Variants in LOXHD1 observed in about 807,000 individuals in gnomAD.
LOXHD1 encodes the protein lipoxygenase homology domain-containing protein 1.
In LOXHD1, 205 loss-of-function variants were observed where a neutral mutation model predicts 248.2. The observed-to-expected ratio is 0.83, with a 90% CI of 0.74 to 0.93. The LOEUF (loss-of-function observed/expected upper bound fraction) is 0.93. LOXHD1 is among the 40% of genes least tolerant of loss of function. The pLI is 0.00. For missense variants in LOXHD1, 2,930 were observed against 2,971.6 expected, an observed-to-expected ratio of 0.99 and a Z score of 0.33; for synonymous variants, 1,113 against 1,162.8, an observed-to-expected ratio of 0.96 and a Z score of 0.87.
chr18:46,535,124 T>C (rs1385741323), intron 26 of LOXHD1, among the ~76,000 whole-genome samples: 1 of 152,162 alleles, frequency 6.6e-6, no homozygotes, highest in Non-Finnish European at 1.5e-5. Flanking sequence ...AGCCCCTCCT[T>C]GGAGTACTTC....
At chr18:46,582,531 C>G (rs1401515666) in intron 12 of LOXHD1, among the ~76,000 whole-genome samples, 1 of 151,704 alleles carries the variant, frequency 6.6e-6, no homozygotes, top group Non-Finnish European at 1.5e-5. Context: ...TAGTAAGAAA[C>G]AAAAAAGATA....
At chr18:46,564,200 C>A (rs1169005836) in intron 17 of LOXHD1, among the ~76,000 whole-genome samples, 2 of 151,670 alleles carry the variant, frequency 1.3e-5, no homozygotes, top group African/African-American at 4.8e-5. Flanking sequence ...AGTAGGAAGT[C>A]AATAGATAAC....
intron 34 of LOXHD1, among the ~76,000 whole-genome samples, chr18:46,517,821 A>G (rs2035339702): frequency 6.6e-6 from 1 of 152,228 alleles, no homozygotes; most frequent in Non-Finnish European, 1.5e-5. Context: ...TAATGAAACC[A>G]AGACATTAAC....
chr18:46,497,832 T>C (rs757641030), intron 37 of LOXHD1, among the ~76,000 whole-genome samples: 21 of 151,978 alleles, frequency 1.4e-4, no homozygotes, highest in Non-Finnish European at 1.8e-4. Context: ...GGTAGTGCAA[T>C]AGGAAGAACT....
intron 17 of LOXHD1, among the ~76,000 whole-genome samples, chr18:46,564,906 TC>T (rs1470737831): frequency 1.3e-5 from 2 of 152,260 alleles, no homozygotes; most frequent in African/African-American, 4.8e-5. Flanking sequence ...ACACTGGGGT[TC>T]CCTCTCAGGG....
chr18:46,584,918 T>C (rs28857285), intron 12 of LOXHD1, among the ~76,000 whole-genome samples: 8,144 of 152,182 alleles, frequency 0.054, 267 homozygotes, highest in Non-Finnish European at 0.079. Flanking sequence ...CTGCTGAAAA[T>C]CAATTAATGT....
chr18:46,572,955 G>A (rs1442309003), intron 14 of LOXHD1, among the ~76,000 whole-genome samples: 4 of 148,788 alleles, frequency 2.7e-5, no homozygotes, highest in African/African-American at 9.9e-5. Flanking sequence ...CCCAGGAGGC[G>A]GAGCTTGCAG....
chr18:46,533,608 G>GT (rs2036173682), intron 27 of LOXHD1: 1 of 392,874 alleles, frequency 2.5e-6, no homozygotes. Context: ...GGTAAGAGGA[G>GT]GGGGGTGCTC....
intron 4 of LOXHD1, among the ~76,000 whole-genome samples, chr18:46,622,210 G>T (rs2038678134): frequency 6.6e-6 from 1 of 152,158 alleles, no homozygotes; most frequent in Non-Finnish European, 1.5e-5. Context: ...GGATTTGCAG[G>T]CCATTTGGTC....
intron 18 of LOXHD1, among the ~76,000 whole-genome samples, 192 bp from the exon 19 acceptor site, chr18:46,560,737 G>A (rs2037510127): frequency 6.6e-6 from 1 of 152,198 alleles, no homozygotes; most frequent in Admixed American, 6.5e-5. Context: ...GGTCCCCTGG[G>A]ATTACCTGGC....
At chr18:46,542,480 G>C (rs1046373549) in intron 24 of LOXHD1, among the ~76,000 whole-genome samples, 5 of 152,122 alleles carry the variant, frequency 3.3e-5, no homozygotes, top group African/African-American at 1.2e-4. Flanking sequence ...TAAAATTACC[G>C]ACACTGGGGT....
At chr18:46,483,159 TC>T (rs1474888172) in intron 40 of LOXHD1, among the ~76,000 whole-genome samples, 1 of 152,174 alleles carries the variant, frequency 6.6e-6, no homozygotes, top group Non-Finnish European at 1.5e-5. Context: ...CCCTAGCTTG[TC>T]TCTGGTCCCT....
chr18:46,520,397 G>A, intron 33 of LOXHD1: 2 of 428,050 alleles, frequency 4.7e-6, no homozygotes, highest in South Asian at 1.8e-5. Context: ...ATAGCCATGA[G>A]CCAAAAAGAG....
rs2039194411 is a variant in LOXHD1, at chr18:46,657,159, G to A, written c.-126C>T. 1 of 1,461,954 alleles carries A rather than the reference G, an allele frequency of 6.8e-7. No homozygotes were observed. Among genetic ancestry groups the A allele is most frequent in the South Asian group, 1.3e-5 (1 of 75,512 alleles). The allele number at this position is 1,461,954 out of a possible 1,614,324, so 90.6% of individuals were successfully genotyped here. ...CCTCCTATAGCTCAGGCCTGGGTGG[G>A]CCAGAGTGCCCCGTTTTCTTGGCTT... On this transcript the variant is annotated 5_prime_UTR_variant, in exon 1 of 41. Transcript: ENST00000642948.
At chr18:46,483,012 T>C (rs1190643731) in intron 40 of LOXHD1, among the ~76,000 whole-genome samples, 6 of 152,150 alleles carry the variant, frequency 3.9e-5, no homozygotes, top group Admixed American at 3.3e-4. Context: ...ATTAGACAAA[T>C]TGATGACTGT....
At chr18:46,581,523 G>T (rs1412619207) in intron 12 of LOXHD1, among the ~76,000 whole-genome samples, 1 of 152,148 alleles carries the variant, frequency 6.6e-6, no homozygotes, top group Non-Finnish European at 1.5e-5. Flanking sequence ...GGAGGGTCAG[G>T]ATTGGTGATA....
chr18:46,512,806 C>A (rs1011710099), intron 34 of LOXHD1, among the ~76,000 whole-genome samples: 3 of 152,204 alleles, frequency 2.0e-5, no homozygotes, highest in African/African-American at 7.2e-5. Flanking sequence ...TTGAAACAAA[C>A]CACTGGATCT....
At chr18:46,504,599 G>A (rs1478755058) in intron 37 of LOXHD1, among the ~76,000 whole-genome samples, 3 of 152,200 alleles carry the variant, frequency 2.0e-5, no homozygotes, top group Admixed American at 6.5e-5. Flanking sequence ...CCTAGTCTGA[G>A]TTTATTCTGT....
At chr18:46,599,890 G>A (rs2038309554) in intron 8 of LOXHD1, among the ~76,000 whole-genome samples, 1 of 152,128 alleles carries the variant, frequency 6.6e-6, no homozygotes, top group Non-Finnish European at 1.5e-5. Flanking sequence ...CCAAAATGGT[G>A]AAAATTAAAA....
Sources: allele counts gnomAD v4.1 joint callset (sites outside exome capture counted in the v4.1 genomes callset), GRCh38; gene constraint gnomAD v4.1.1; transcripts MANE v1.5; gene names NCBI Gene and HGNC (gene_info 2026-07-23, HGNC 2026-07-21).